The following C16orf89 variants were observed in gnomAD, a reference collection of about 807,000 sequenced individuals.
C16orf89 encodes the protein chromosome 16 open reading frame 89, also known as UPF0764 protein C16orf89.
C16orf89 carries 57 observed loss-of-function variants against 41.5 expected under a neutral mutation model. The ratio of observed to expected loss-of-function variants is 1.38; its 90% CI spans 1.11 to 1.71. C16orf89 has a LOEUF of 1.71. Ranked by LOEUF, C16orf89 falls within the 40% of genes most tolerant of loss-of-function variation. C16orf89 has a pLI of 0.00. For synonymous variants in C16orf89, 223 were observed against 190.6 expected (o/e 1.17, Z -1.40); for missense variants, 575 against 445.9 (o/e 1.29, Z -2.61).
chr16:5,058,937 C>T (rs1329784376), intron 3 of C16orf89, among the ~76,000 whole-genome samples: 1 of 152,054 alleles, frequency 6.6e-6, no homozygotes, highest in Middle Eastern at 3.2e-3. Flanking sequence ...CTGGGCCCAA[C>T]ATGCTTATTC....
At chr16:5,044,005 A>C (rs1956245954), downstream of C16orf89, 3 of 596,756 alleles carry the variant, frequency 5.0e-6, no homozygotes. Flanking sequence ...TAATTAAAAA[A>C]AAAAAAAAAG....
intron 1 of C16orf89, 106 bp from the exon 2 acceptor site, chr16:5,062,680 C>T: frequency 7.9e-7 from 1 of 1,259,884 alleles, no homozygotes; most frequent in Non-Finnish European, 1.1e-6. Context: ...TCCTGGGAGC[C>T]TCTCTGCCTT....
chr16:5,047,160 T>C (rs1956312054), intron 7 of C16orf89, among the ~76,000 whole-genome samples: 1 of 152,160 alleles, frequency 6.6e-6, no homozygotes, highest in Non-Finnish European at 1.5e-5. Context: ...GTCTCCCCCT[T>C]GTTCAGCCCC....
At chr16:5,047,728 C>G (rs1956324756) in intron 7 of C16orf89, 150 bp downstream of exon 7, 2 of 650,200 alleles carry the variant, frequency 3.1e-6, no homozygotes, top group South Asian at 3.4e-5. Context: ...CCCAGCCTCC[C>G]TTCCACCTCT....
At chr16:5,064,630 G>A (rs1167189308) in intron 1 of C16orf89, among the ~76,000 whole-genome samples, 1 of 152,220 alleles carries the variant, frequency 6.6e-6, no homozygotes, top group African/African-American at 2.4e-5. Context: ...CACTGCCTTT[G>A]CTCCCTTCTG....
intron 1 of C16orf89, among the ~76,000 whole-genome samples, chr16:5,065,303 C>T (rs1567161747): frequency 6.6e-6 from 1 of 152,118 alleles, no homozygotes; most frequent in Non-Finnish European, 1.5e-5. Context: ...GGTGGGAACC[C>T]GATCTTGAGG....
chr16:5,047,218 G>A (rs1366758704), intron 7 of C16orf89, among the ~76,000 whole-genome samples: 1 of 152,074 alleles, frequency 6.6e-6, no homozygotes, highest in Non-Finnish European at 1.5e-5. Flanking sequence ...CCAGCTCTAG[G>A]GAGGGTAGTG....
chr16:5,046,635 G>A (rs1033185047), intron 7 of C16orf89, among the ~76,000 whole-genome samples: 1 of 152,200 alleles, frequency 6.6e-6, no homozygotes, highest in Non-Finnish European at 1.5e-5. Context: ...ACAGGCATGA[G>A]CCACTGTGGC....
rs377201065 is a variant in C16orf89 at position 5,060,288 on chromosome 16, G to A, written c.507C>T (p.Thr169=). ...AATAGGGCAAGTGCAGGGCCCACCC[G>A]GTTCCCAGCAGCTGCACCAGGCACA... ...SDVCLVQLLG[T]GTDSSEPCGL... The change falls in exon 3 of 8, where the codon ACC becomes ACT. Residue 169 remains threonine, a splice_region_variant and synonymous_variant. Transcript: ENST00000472572. The A allele has an allele frequency of 1.1e-4, 180 of 1,607,258 alleles. No homozygotes were observed. The highest frequency in any genetic ancestry group is 6.6e-4 in the Middle Eastern group (4 of 6,040).
chr16:5,046,837 C>G (rs949972375), intron 7 of C16orf89, among the ~76,000 whole-genome samples: 5 of 152,104 alleles, frequency 3.3e-5, no homozygotes, highest in Non-Finnish European at 5.9e-5. Context: ...CATTGGCCAA[C>G]TGACCATACA....
chr16:5,051,502 G>T (rs1334784044), intron 6 of C16orf89, among the ~76,000 whole-genome samples: 10 of 152,124 alleles, frequency 6.6e-5, no homozygotes, highest in Non-Finnish European at 1.5e-4. Flanking sequence ...GGAGGTGAAA[G>T]ATCTCTACAA....
chr16:5,055,830 C>A (rs1183071283), intron 5 of C16orf89: 4 of 1,368,166 alleles, frequency 2.9e-6, no homozygotes, highest in South Asian at 1.3e-5. Flanking sequence ...GTAAGTATAT[C>A]CCATGAAATA....
chr16:5,048,497 C>T (rs895877010), intron 6 of C16orf89, among the ~76,000 whole-genome samples: 22 of 152,288 alleles, frequency 1.4e-4, no homozygotes, highest in African/African-American at 5.1e-4. Context: ...TGATGGTTTT[C>T]CAAACTGTGG....
chr16:5,065,618 T>A, intron 1 of C16orf89, 83 bp downstream of exon 1: 1 of 1,432,848 alleles, frequency 7.0e-7, no homozygotes. Context: ...GTCTGCCAGG[T>A]CCCAGGCGTA....
At chr16:5,044,644 C>G (rs920331757) in intron 7 of C16orf89, 166 bp from the exon 8 acceptor site, 1 of 1,325,178 alleles carries the variant, frequency 7.5e-7, no homozygotes, top group Non-Finnish European at 1.0e-6. Flanking sequence ...GAGTTCGAGA[C>G]CAGCATGAGC....
chr16:5,062,201 C>T (rs1596706047), intron 2 of C16orf89, among the ~76,000 whole-genome samples: 1 of 152,174 alleles, frequency 6.6e-6, no homozygotes, highest in African/African-American at 2.4e-5. Context: ...CACCCTGCTT[C>T]CTCTGCACAC....
chr16:5,048,339 C>G (rs554242831), intron 6 of C16orf89, among the ~76,000 whole-genome samples: 1 of 152,180 alleles, frequency 6.6e-6, no homozygotes, highest in Non-Finnish European at 1.5e-5. Context: ...TGGTCTCAAG[C>G]TGAATTTTTA....
rs1465113564 is a variant in C16orf89, at chr16:5,044,312, T to C, written c.*36A>G. On this transcript the variant is annotated 3_prime_UTR_variant, in exon 8 of 8. Transcript: ENST00000472572. ...AAGGGATGAGGACTAAAGGGGTCTG[T>C]TCCTCCTCCAGGCAGCTGGCATGGA... The C allele has an allele frequency of 1.3e-6, 2 of 1,566,802 alleles. No individual in the cohort carries two copies. The highest frequency in any genetic ancestry group is 1.9e-5 in the Admixed American group (1 of 53,878).
At chr16:5,055,915 T>G in intron 5 of C16orf89, 138 bp downstream of exon 5, 1 of 1,286,674 alleles carries the variant, frequency 7.8e-7, no homozygotes, top group Non-Finnish European at 1.1e-6. Flanking sequence ...CTCTGTATTT[T>G]TACTTGCTTA....
Sources: gnomAD v4.1 joint callset for allele counts (sites outside exome capture counted in the v4.1 genomes callset) on GRCh38, gnomAD v4.1.1 for gene constraint, MANE v1.5 for transcripts, NCBI Gene and HGNC (gene_info 2026-07-23, HGNC 2026-07-21) for gene names.